The following SLC35F4 variants were observed in gnomAD, a reference collection of about 807,000 sequenced individuals.
SLC35F4 encodes the protein solute carrier family 35 member F4.
In SLC35F4, 24 loss-of-function variants were observed where a neutral mutation model predicts 44.2. That is an observed-to-expected ratio of 0.54 (90% CI 0.39 to 0.76). The LOEUF is 0.76. Among genes scored for constraint, SLC35F4 ranks in the 30% least tolerant of loss-of-function variants. The pLI, the probability that SLC35F4 is intolerant of heterozygous loss-of-function variation, is 0.00. For missense variants in SLC35F4, 562 were observed against 586.1 expected, an observed-to-expected ratio of 0.96 and a Z score of 0.42; for synonymous variants, 238 against 223.6, an observed-to-expected ratio of 1.06 and a Z score of -0.57.
chr14:57,629,655 G>T (rs2072665753), intron 1 of SLC35F4, among the ~76,000 whole-genome samples: 2 of 152,074 alleles, frequency 1.3e-5, no homozygotes, highest in South Asian at 4.1e-4. Context: ...CTCATGGAAT[G>T]GTCACAGAAA....
intron 1 of SLC35F4, among the ~76,000 whole-genome samples, chr14:57,816,006 A>T (rs1882529590): frequency 6.6e-6 from 1 of 152,222 alleles, no homozygotes; most frequent in African/African-American, 2.4e-5. Flanking sequence ...GCTTTCAAAA[A>T]AGAAGGAAGT....
chr14:57,886,147 C>T (rs1369075393), intron 1 of SLC35F4, among the ~76,000 whole-genome samples: 1 of 152,188 alleles, frequency 6.6e-6, no homozygotes, highest in Non-Finnish European at 1.5e-5. Flanking sequence ...TCTAACAACT[C>T]CATGAGGTAT....
At chr14:57,704,127 G>A (rs1486133303) in intron 1 of SLC35F4, among the ~76,000 whole-genome samples, 3 of 152,216 alleles carry the variant, frequency 2.0e-5, no homozygotes, top group African/African-American at 7.2e-5. Flanking sequence ...TTATTTTGGT[G>A]TGAAGAAACA....
intron 1 of SLC35F4, among the ~76,000 whole-genome samples, chr14:57,731,272 C>A (rs1255024602): frequency 1.3e-5 from 2 of 152,122 alleles, no homozygotes; most frequent in African/African-American, 4.8e-5. Flanking sequence ...CCAAGTTGTG[C>A]CTTCATGTTT....
intron 1 of SLC35F4, among the ~76,000 whole-genome samples, chr14:57,778,202 C>T (rs776173800): frequency 6.6e-6 from 1 of 152,186 alleles, no homozygotes; most frequent in Non-Finnish European, 1.5e-5. Context: ...TTGCCTTCTG[C>T]CATGATTGTG....
chr14:57,674,364 TG>T (rs1365135133), intron 1 of SLC35F4, among the ~76,000 whole-genome samples: 4 of 152,268 alleles, frequency 2.6e-5, no homozygotes, highest in African/African-American at 9.6e-5. Context: ...TACTTCATGA[TG>T]TCTACTTTTA....
At chr14:57,707,310 T>C (rs2075701243) in intron 1 of SLC35F4, among the ~76,000 whole-genome samples, 1 of 152,168 alleles carries the variant, frequency 6.6e-6, no homozygotes, top group Non-Finnish European at 1.5e-5. Context: ...AATCCCCACA[T>C]ATCATGGGAG....
At chr14:57,921,567 G>A (rs192129450) in intron 1 of SLC35F4, among the ~76,000 whole-genome samples, 17 of 152,240 alleles carry the variant, frequency 1.1e-4, no homozygotes, top group East Asian at 9.7e-4. Context: ...ATGGATTGTC[G>A]CCCAGTTCTG....
At chr14:57,769,073 C>T (rs1021663415) in intron 1 of SLC35F4, among the ~76,000 whole-genome samples, 2 of 152,114 alleles carry the variant, frequency 1.3e-5, no homozygotes, top group Non-Finnish European at 2.9e-5. Context: ...AAAACATCAC[C>T]CTTAACTTCT....
At chr14:57,791,905 G>A (rs148024698) in intron 1 of SLC35F4, among the ~76,000 whole-genome samples, 1,574 of 151,312 alleles carry the variant, frequency 0.01, 24 homozygotes, top group African/African-American at 0.036. Flanking sequence ...ATAAGTGGGA[G>A]TTGACCAATG....
intron 1 of SLC35F4, among the ~76,000 whole-genome samples, chr14:57,799,070 G>C (rs2140844528): frequency 6.6e-6 from 1 of 152,300 alleles, no homozygotes; most frequent in East Asian, 1.9e-4. Context: ...AGGAATGAAA[G>C]GCTGCGAATA....
At chr14:57,583,624 G>A (rs953069637) in intron 3 of SLC35F4, among the ~76,000 whole-genome samples, 1 of 152,194 alleles carries the variant, frequency 6.6e-6, no homozygotes, top group East Asian at 1.9e-4. Context: ...ACTGACAGGT[G>A]GAGACTGTTC....
chr14:57,978,615 C>T (rs1473796632), intron 1 of SLC35F4, among the ~76,000 whole-genome samples: 1 of 152,162 alleles, frequency 6.6e-6, no homozygotes, highest in East Asian at 1.9e-4. Flanking sequence ...TGGAACACTG[C>T]TTTCCAAAAT....
At chr14:57,718,787 G>A (rs1329642668) in intron 1 of SLC35F4, among the ~76,000 whole-genome samples, 1 of 151,980 alleles carries the variant, frequency 6.6e-6, no homozygotes, top group Admixed American at 6.6e-5. Context: ...CCCATTTTGT[G>A]GGTTGTCTCT....
At chr14:57,939,632 T>C (rs1236584787) in intron 1 of SLC35F4, among the ~76,000 whole-genome samples, 1 of 152,238 alleles carries the variant, frequency 6.6e-6, no homozygotes, top group African/African-American at 2.4e-5. Flanking sequence ...TGAGCATTTC[T>C]ATCCAATAGC....
chr14:57,796,157 A>G (rs1302857251), intron 1 of SLC35F4, among the ~76,000 whole-genome samples: 1 of 152,166 alleles, frequency 6.6e-6, no homozygotes, highest in Non-Finnish European at 1.5e-5. Flanking sequence ...ATAGTATTCC[A>G]TGGTACATAT....
chr14:57,573,148 C>T (rs368799538), intron 4 of SLC35F4, among the ~76,000 whole-genome samples: 18 of 152,138 alleles, frequency 1.2e-4, no homozygotes, highest in East Asian at 9.6e-4. Flanking sequence ...TTTTTTATAA[C>T]GTAGATTTTT....
chr14:57,853,756 C>T lies in SLC35F4; in HGVS notation c.103+11967G>A, dbSNP rs533519292. Among the ~76,000 whole-genome samples, 22 of 152,200 alleles carry T rather than the reference C, an allele frequency of 1.4e-4. 1 individual carries two copies. Among genetic ancestry groups the T allele is most frequent in the South Asian group, 6.2e-4 (3 of 4,820 alleles). ...AAGAGACAAGAATGGGGAGCATGTG[C>T]CAGAGAAAAAGAGATGAAAGACAGA... On this transcript the variant is annotated intron_variant, in intron 1 of 7. Transcript: ENST00000556826.
At chr14:57,668,802 T>C (rs2074408607) in intron 1 of SLC35F4, among the ~76,000 whole-genome samples, 1 of 152,164 alleles carries the variant, frequency 6.6e-6, no homozygotes, top group Admixed American at 6.5e-5. Flanking sequence ...AGGATTGACT[T>C]GGCGATGCGG....
Sources: allele counts gnomAD v4.1 joint callset (sites outside exome capture counted in the v4.1 genomes callset), GRCh38; gene constraint gnomAD v4.1.1; transcripts MANE v1.5; gene names NCBI Gene and HGNC (gene_info 2026-07-23, HGNC 2026-07-21).